The following SOS1 variants were observed in gnomAD, a reference collection of about 807,000 sequenced individuals.
SOS1 encodes the protein SOS Ras/Rac guanine nucleotide exchange factor 1.
A neutral mutation model predicts 157.6 loss-of-function variants in SOS1; 25 were observed. The ratio of observed to expected loss-of-function variants is 0.16; its 90% CI spans 0.12 to 0.22. The LOEUF (loss-of-function observed/expected upper bound fraction) is 0.22, where lower values mean the gene tolerates loss of function less well. Among genes scored for constraint, SOS1 ranks in the 10% least tolerant of loss-of-function variants. The pLI, the probability that SOS1 is intolerant of heterozygous loss-of-function variation, is 1.00. For missense variants in SOS1, 1,237 were observed against 1,599.1 expected (o/e 0.77, Z 3.86); for synonymous variants, 528 against 534.0 (o/e 0.99, Z 0.16).
chr2:39,084,691 C>T (rs1286074446), intron 1 of SOS1, among the ~76,000 whole-genome samples: 1 of 152,166 alleles, frequency 6.6e-6, no homozygotes, highest in Non-Finnish European at 1.5e-5. Context: ...ATGGGAAAGA[C>T]ATATTTAAAG....
chr2:39,046,029 A>T (rs1018690144), intron 6 of SOS1, among the ~76,000 whole-genome samples: 1 of 152,206 alleles, frequency 6.6e-6, no homozygotes, highest in African/African-American at 2.4e-5. Flanking sequence ...AATTTTTAAA[A>T]ATCAAATATA....
intron 1 of SOS1, among the ~76,000 whole-genome samples, chr2:39,085,423 G>C (rs1572881342): frequency 1.3e-5 from 2 of 152,316 alleles, no homozygotes. Flanking sequence ...CAATACATGT[G>C]ATGTGTGTCT....
intron 1 of SOS1, among the ~76,000 whole-genome samples, chr2:39,105,037 AT>A (rs917123214): frequency 5.9e-5 from 9 of 152,342 alleles, no homozygotes; most frequent in Non-Finnish European, 7.3e-5. Flanking sequence ...AATAAAAAAA[AT>A]CAAAGAAAAA....
At chr2:39,001,418 GT>G (rs1669095172) in intron 17 of SOS1, among the ~76,000 whole-genome samples, 1 of 152,160 alleles carries the variant, frequency 6.6e-6, no homozygotes, top group African/African-American at 2.4e-5. Flanking sequence ...GAATATTTTA[GT>G]TTATGGAGAA....
chr2:39,118,604 AG>A (rs1407900092), intron 1 of SOS1, among the ~76,000 whole-genome samples: 7 of 152,232 alleles, frequency 4.6e-5, no homozygotes, highest in Non-Finnish European at 7.3e-5. Flanking sequence ...GGCTGTGGTA[AG>A]GTGGAGATAC....
intron 10 of SOS1, 35 bp from the exon 11 acceptor site, chr2:39,014,881 C>T: frequency 1.9e-6 from 2 of 1,074,602 alleles, no homozygotes; most frequent in Non-Finnish European, 2.9e-6. Context: ...TTATTAAACT[C>T]TATGATTCAA....
chr2:39,008,585 A>C (rs1223989341), intron 15 of SOS1, among the ~76,000 whole-genome samples: 1 of 152,246 alleles, frequency 6.6e-6, no homozygotes. Flanking sequence ...CAACTAGGAA[A>C]TAAGACGGCT....
At chr2:39,048,968 A>G (rs1026393937) in intron 6 of SOS1, among the ~76,000 whole-genome samples, 2 of 152,036 alleles carry the variant, frequency 1.3e-5, no homozygotes, top group African/African-American at 4.8e-5. Flanking sequence ...CTGTCACTGG[A>G]CGGCAGTGGT....
chr2:39,047,904 G>C (rs1393526674), intron 6 of SOS1, among the ~76,000 whole-genome samples: 3 of 152,180 alleles, frequency 2.0e-5, no homozygotes, highest in African/African-American at 7.2e-5. Flanking sequence ...CTGACCTCAA[G>C]TGATCCACTG....
intron 10 of SOS1, 123 bp downstream of exon 10, chr2:39,022,447 T>C: frequency 1.4e-6 from 1 of 732,854 alleles, no homozygotes. Context: ...GTATTTTTAG[T>C]CAAAGAAAAG....
intron 9 of SOS1, 98 bp from the exon 10 acceptor site, chr2:39,023,323 C>T: frequency 1.2e-6 from 1 of 844,264 alleles, no homozygotes; most frequent in Non-Finnish European, 1.9e-6. Context: ...TTACAAGTCT[C>T]ACTGAGAAGG....
At chr2:39,109,939 CAA>C (rs925977916) in intron 1 of SOS1, among the ~76,000 whole-genome samples, 19 of 151,794 alleles carry the variant, frequency 1.3e-4, no homozygotes, top group Non-Finnish European at 1.3e-4. Flanking sequence ...TACCTAACGT[CAA>C]AACTTACTAT....
At chr2:39,086,215 G>A (rs991334703) in intron 1 of SOS1, among the ~76,000 whole-genome samples, 1 of 152,186 alleles carries the variant, frequency 6.6e-6, no homozygotes, top group Non-Finnish European at 1.5e-5. Context: ...AGGGTGAGCA[G>A]AATTTAGGTG....
rs1470603059 is a variant in SOS1 at position 39,022,920 on chromosome 2, T to A, written c.1508A>T (p.Asp503Val). Reference protein sequence around the residue: ...KFFMRKVQINDKDDTNEYKHA... With the variant: ...KFFMRKVQINVKDDTNEYKHA... ...CTTGTATTCATTGGTGTCATCTTTA[T>A]CATTAATTTGTACCTTTCGCATAAA... Residue 503 changes from aspartate (D) to valine (V), a missense_variant, in exon 10 of 23, where the codon GAT (aspartate) becomes GTT (valine). This residue lies in a region of SOS1 where 210 missense variants were observed against 220.2 expected (regional missense o/e 0.95). Transcript: ENST00000402219. 6.2e-7 allele frequency: 1 copy of A among 1,612,758 alleles called. No individual in the cohort carries two copies. The highest frequency in any genetic ancestry group is 1.1e-5 in the South Asian group (1 of 91,058).
At chr2:39,014,554 A>C (rs1350579801) in intron 11 of SOS1, among the ~76,000 whole-genome samples, 1 of 152,088 alleles carries the variant, frequency 6.6e-6, no homozygotes, top group Non-Finnish European at 1.5e-5. Flanking sequence ...TCAAATACTG[A>C]GTTTTCACAT....
intron 8 of SOS1, among the ~76,000 whole-genome samples, chr2:39,026,279 CAG>C (rs1283222638): frequency 6.7e-6 from 1 of 150,260 alleles, no homozygotes; most frequent in Non-Finnish European, 1.5e-5. Flanking sequence ...CGCCTGAACT[CAG>C]GGGTCAGAGG....
intron 1 of SOS1, among the ~76,000 whole-genome samples, chr2:39,101,982 C>T (rs1253912336): frequency 6.8e-6 from 1 of 147,644 alleles, no homozygotes; most frequent in African/African-American, 2.5e-5. Flanking sequence ...CTGAGGTGGG[C>T]GGATCACTAG....
At chr2:39,109,600 C>T (rs904658390) in intron 1 of SOS1, among the ~76,000 whole-genome samples, 3 of 152,214 alleles carry the variant, frequency 2.0e-5, no homozygotes, top group Admixed American at 6.5e-5. Flanking sequence ...AGGCAACACA[C>T]TGGAATATAA....
At chr2:39,114,442 T>C (rs191397224) in intron 1 of SOS1, among the ~76,000 whole-genome samples, 1 of 152,142 alleles carries the variant, frequency 6.6e-6, no homozygotes, top group Non-Finnish European at 1.5e-5. Flanking sequence ...TAGCTAGGAT[T>C]ACAGGCATGC....
Sources: gnomAD v4.1 joint callset for allele counts (sites outside exome capture counted in the v4.1 genomes callset) on GRCh38, gnomAD v4.1.1 for gene constraint, gnomAD v4.1.1 regional missense constraint, MANE v1.5 for transcripts, NCBI Gene and HGNC (gene_info 2026-07-23, HGNC 2026-07-21) for gene names.